The following CNTNAP2 variants were observed in gnomAD, a reference collection of about 807,000 sequenced individuals.
CNTNAP2 encodes contactin-associated protein-like 2.
A neutral mutation model predicts 155.2 loss-of-function variants in CNTNAP2; 98 were observed. The observed-to-expected ratio is 0.63, with a 90% CI of 0.54 to 0.75. The LOEUF (loss-of-function observed/expected upper bound fraction) is 0.75. CNTNAP2 is among the 30% of genes least tolerant of loss of function. CNTNAP2 has a pLI of 0.00. For synonymous variants in CNTNAP2, 651 were observed against 631.2 expected, an observed-to-expected ratio of 1.03 and a Z score of -0.47; for missense variants, 1,727 against 1,688.1, an observed-to-expected ratio of 1.02 and a Z score of -0.40.
At chr7:146,460,003 A>C (rs1368349674) in intron 1 of CNTNAP2, among the ~76,000 whole-genome samples, 1 of 152,000 alleles carries the variant, frequency 6.6e-6, no homozygotes, top group Non-Finnish European at 1.5e-5. Flanking sequence ...AACAGAAAAC[A>C]GGGGCTACTG....
intron 1 of CNTNAP2, among the ~76,000 whole-genome samples, chr7:146,534,823 C>T (rs1002250820): frequency 8.6e-5 from 13 of 151,292 alleles, no homozygotes; most frequent in African/African-American, 2.7e-4. Flanking sequence ...TAAATCCAAG[C>T]TGAGCAATTT....
At chr7:146,971,103 T>C (rs1413975591) in intron 3 of CNTNAP2, among the ~76,000 whole-genome samples, 1 of 152,056 alleles carries the variant, frequency 6.6e-6, no homozygotes, top group Non-Finnish European at 1.5e-5. Context: ...ATATACCTAA[T>C]GCTAAATGAC....
intron 1 of CNTNAP2, among the ~76,000 whole-genome samples, chr7:146,502,797 T>C (rs1188637961): frequency 6.6e-6 from 1 of 152,160 alleles, no homozygotes; most frequent in Non-Finnish European, 1.5e-5. Context: ...GTATTTTTTG[T>C]AGAAATGAGG....
At chr7:147,913,850 T>C (rs999135950) in intron 14 of CNTNAP2, among the ~76,000 whole-genome samples, 11 of 152,162 alleles carry the variant, frequency 7.2e-5, no homozygotes, top group Admixed American at 1.3e-4. Context: ...TTCTTTGTCC[T>C]GTCAGTGGCA....
intron 14 of CNTNAP2, among the ~76,000 whole-genome samples, chr7:147,905,938 T>G (rs1799950054): frequency 6.6e-6 from 1 of 151,474 alleles, no homozygotes; most frequent in East Asian, 1.9e-4. Context: ...TGGAAGAAAT[T>G]TTCAATCTAA....
At chr7:148,292,653 T>A (rs1048363626) in intron 21 of CNTNAP2, among the ~76,000 whole-genome samples, 3 of 152,192 alleles carry the variant, frequency 2.0e-5, no homozygotes, top group East Asian at 3.8e-4. Flanking sequence ...CTACCTTTCA[T>A]GAGACTCTTC....
intron 3 of CNTNAP2, among the ~76,000 whole-genome samples, chr7:146,982,923 G>A (rs1798046540): frequency 6.6e-6 from 1 of 152,094 alleles, no homozygotes; most frequent in Non-Finnish European, 1.5e-5. Context: ...CACGTATCCA[G>A]GGATTATTTG....
chr7:146,142,353 C>T (rs1459168607), intron 1 of CNTNAP2, among the ~76,000 whole-genome samples: 3 of 152,170 alleles, frequency 2.0e-5, no homozygotes, highest in Non-Finnish European at 4.4e-5. Context: ...AAATTTCAGA[C>T]AGACACTTGC....
chr7:148,158,316 G>A (rs140286270), intron 17 of CNTNAP2, among the ~76,000 whole-genome samples: 24 of 136,972 alleles, frequency 1.8e-4, no homozygotes, highest in Middle Eastern at 8.6e-3. Flanking sequence ...TCCGCCTCCC[G>A]GGTTCAAGCA....
intron 8 of CNTNAP2, among the ~76,000 whole-genome samples, chr7:147,138,316 A>C (rs1260469522): frequency 6.6e-6 from 1 of 151,996 alleles, no homozygotes; most frequent in Non-Finnish European, 1.5e-5. Context: ...AAAGTGAGAT[A>C]GATAAAGATC....
At chr7:146,202,500 G>A (rs761123010) in intron 1 of CNTNAP2, among the ~76,000 whole-genome samples, 2 of 151,704 alleles carry the variant, frequency 1.3e-5, no homozygotes, top group Admixed American at 6.6e-5. Flanking sequence ...AGAAAATCTC[G>A]CCTTGACTCA....
chr7:146,930,049 G>C (rs966513920), intron 3 of CNTNAP2, among the ~76,000 whole-genome samples: 1 of 152,112 alleles, frequency 6.6e-6, no homozygotes, highest in African/African-American at 2.4e-5. Flanking sequence ...CCCCAATCTA[G>C]CAAGGCAGGC....
At chr7:146,232,899 G>A (rs1330954187) in intron 1 of CNTNAP2, among the ~76,000 whole-genome samples, 1 of 152,078 alleles carries the variant, frequency 6.6e-6, no homozygotes, top group Non-Finnish European at 1.5e-5. Flanking sequence ...GGAAAGCAAT[G>A]TCTTTTTCTT....
At chr7:147,360,638 G>GA (rs1394744656) in intron 9 of CNTNAP2, among the ~76,000 whole-genome samples, 26 of 149,296 alleles carry the variant, frequency 1.7e-4, no homozygotes, top group Admixed American at 1.0e-3. Flanking sequence ...TATTTCTTTT[G>GA]AAAAAAAAAC....
intron 10 of CNTNAP2, among the ~76,000 whole-genome samples, chr7:147,407,577 G>T (rs945063140): frequency 6.7e-6 from 1 of 149,976 alleles, no homozygotes; most frequent in Non-Finnish European, 1.5e-5. Context: ...TCCTATGAAG[G>T]TCAAGGCCAC....
chr7:147,727,561 T>C (rs981051162), intron 13 of CNTNAP2, among the ~76,000 whole-genome samples: 1 of 152,032 alleles, frequency 6.6e-6, no homozygotes, highest in Non-Finnish European at 1.5e-5. Context: ...GTAGGGACTG[T>C]AGTAAGTACT....
intron 9 of CNTNAP2, among the ~76,000 whole-genome samples, chr7:147,303,327 A>G (rs957363195): frequency 3.9e-5 from 6 of 152,230 alleles, no homozygotes; most frequent in Admixed American, 3.3e-4. Flanking sequence ...TTGTTGATTC[A>G]GTGAATTAAG....
At chr7:147,979,293 CTG>C (rs35246214) in intron 15 of CNTNAP2, among the ~76,000 whole-genome samples, 53,057 of 151,820 alleles carry the variant, frequency 0.35, 9,533 homozygotes, top group East Asian at 0.57. Context: ...CTTAGTAAAA[CTG>C]TGCAGAAGAA....
intron 2 of CNTNAP2, among the ~76,000 whole-genome samples, chr7:146,789,733 C>A (rs1206993836): frequency 2.0e-5 from 3 of 151,576 alleles, no homozygotes; most frequent in South Asian, 4.2e-4. Flanking sequence ...TGATATGCAG[C>A]ACCAATACGC....
Sources: allele counts gnomAD v4.1 joint callset (sites outside exome capture counted in the v4.1 genomes callset), GRCh38; gene constraint gnomAD v4.1.1; transcripts MANE v1.5; gene names NCBI Gene and HGNC (gene_info 2026-07-23, HGNC 2026-07-21).